PPP6R2: variants seen among roughly 807,000 people sequenced by gnomAD.
The protein encoded by PPP6R2 is serine/threonine-protein phosphatase 6 regulatory subunit 2.
A neutral mutation model predicts 100.2 loss-of-function variants in PPP6R2; 62 were observed. That is an observed-to-expected ratio of 0.62 (90% CI 0.50 to 0.76). The LOEUF is 0.76. Among genes scored for constraint, PPP6R2 ranks in the 30% least tolerant of loss-of-function variants. The pLI is 0.00. For synonymous variants in PPP6R2, 525 were observed against 514.7 expected, an observed-to-expected ratio of 1.02 and a Z score of -0.27; for missense variants, 1,142 against 1,276.3, an observed-to-expected ratio of 0.89 and a Z score of 1.60.
chr22:50,377,704 G>A (rs2051908278), intron 2 of PPP6R2, among the ~76,000 whole-genome samples: 1 of 151,980 alleles, frequency 6.6e-6, no homozygotes, highest in Non-Finnish European at 1.5e-5. Flanking sequence ...TCTCAGAATT[G>A]GTGAAAGAAG....
intron 1 of PPP6R2, among the ~76,000 whole-genome samples, chr22:50,347,434 C>A (rs777576508): frequency 8.5e-5 from 13 of 152,124 alleles, no homozygotes; most frequent in Non-Finnish European, 1.5e-4. Flanking sequence ...TGAGATATCA[C>A]CAGTCATCTA....
intron 2 of PPP6R2, among the ~76,000 whole-genome samples, chr22:50,379,015 G>T (rs1569338349): frequency 6.6e-6 from 1 of 152,182 alleles, no homozygotes. Context: ...TGAGGACACA[G>T]TGGAGGCACC....
intron 6 of PPP6R2, among the ~76,000 whole-genome samples, chr22:50,418,390 T>A (rs1262854340): frequency 6.6e-6 from 1 of 151,760 alleles, no homozygotes; most frequent in Non-Finnish European, 1.5e-5. Flanking sequence ...CCACATCTTT[T>A]TCTTTTTTTT....
Position 50,443,723 on chromosome 22 carries a change from C to T in PPP6R2, c.2580-143C>T. On this transcript the variant is annotated intron_variant, in intron 22 of 23. Coordinates refer to ENST00000612753, the MANE Select transcript of PPP6R2 (RefSeq NM_001242898.2). Reference sequence around the variant, plus strand: ...CCTAGCTGGGCACAACCTGGGCCACCCCACAAAGGGCAGGAGTGAGAGGGG... The same window carrying T: ...CCTAGCTGGGCACAACCTGGGCCACTCCACAAAGGGCAGGAGTGAGAGGGG... 4.1e-6 allele frequency: 5 copies of T among 1,224,458 alleles called. No homozygotes were observed. In the South Asian group the frequency reaches 4.6e-5, roughly 11 times the overall value. The allele number at this position is 1,224,458 out of a possible 1,614,324, so 75.8% of individuals were successfully genotyped here. A position where few individuals can be genotyped will look rare whatever the true frequency, so the allele number is the denominator to read the frequency against.
chr22:50,355,018 T>C (rs1227694776), intron 1 of PPP6R2, among the ~76,000 whole-genome samples: 1 of 151,680 alleles, frequency 6.6e-6, no homozygotes, highest in Non-Finnish European at 1.5e-5. Flanking sequence ...TAATTTTTTA[T>C]TTTTTGTGGA....
intron 22 of PPP6R2, among the ~76,000 whole-genome samples, chr22:50,442,869 AAC>A (rs970460636): frequency 6.7e-6 from 1 of 149,530 alleles, no homozygotes; most frequent in East Asian, 2.1e-4. Flanking sequence ...TGAAATTCTT[AAC>A]AGTCTTTACC....
rs534851616 is a variant in PPP6R2, at chr22:50,397,536, TGCTG to T, written c.227+3403_227+3406del. On this transcript the variant is annotated intron_variant, in intron 3 of 23. Transcript: ENST00000612753. Reference sequence around the variant, plus strand: ...TGCCTCTGAGGAGCATGACTTGGGATGCTGGGGGGCAGGGGGCCTGTCCTCACCA... The same window carrying T: ...TGCCTCTGAGGAGCATGACTTGGGATGGGGGCAGGGGGCCTGTCCTCACCA... Among the ~76,000 whole-genome samples, 201 of 120,568 alleles carry T rather than the reference TGCTG, an allele frequency of 1.7e-3. 3 individuals carry two copies. The highest frequency in any genetic ancestry group is 7.8e-3 in the Middle Eastern group (2 of 256). 79.1% of individuals were successfully genotyped at this position (120,568 alleles called of 152,430 possible).
chr22:50,346,698 C>T (rs1296016199), intron 1 of PPP6R2, among the ~76,000 whole-genome samples: 10 of 148,442 alleles, frequency 6.7e-5, no homozygotes, highest in Admixed American at 2.7e-4. Context: ...AGTGCCTCCG[C>T]ATCTGTCAGT....
intron 1 of PPP6R2, among the ~76,000 whole-genome samples, chr22:50,369,765 C>G (rs912181614): frequency 4.6e-5 from 7 of 152,118 alleles, no homozygotes; most frequent in African/African-American, 1.7e-4. Flanking sequence ...CTCGGCCTCC[C>G]AAAGTGCTGG....
chr22:50,436,316 A>G, intron 13 of PPP6R2, 51 bp from the exon 14 acceptor site: 1 of 1,520,104 alleles, frequency 6.6e-7, no homozygotes, highest in Non-Finnish European at 8.9e-7. Flanking sequence ...GGTGCCCTGC[A>G]CCATCTGCAC....
At chr22:50,388,303 A>C (rs1274425723) in intron 2 of PPP6R2, among the ~76,000 whole-genome samples, 1 of 150,266 alleles carries the variant, frequency 6.7e-6, no homozygotes, top group African/African-American at 2.5e-5. Context: ...CTGAGGAGGG[A>C]GGATCACTTA....
In PPP6R2 at chr22:50,416,131, T is replaced by G. The variant is rs1019734535; in HGVS notation, c.592T>G (p.Leu198Val). 6.2e-7 allele frequency: 1 copy of G among 1,613,538 alleles called. No homozygotes were observed. Among genetic ancestry groups the G allele is most frequent in the Non-Finnish European group, 8.5e-7 (1 of 1,179,736 alleles). The change falls in exon 6 of 24, where the codon TTG becomes GTG. Residue 198 changes from leucine to valine, a missense_variant. Leu to Val is a conservative substitution (Grantham distance 32). Coordinates refer to ENST00000612753, the MANE Select transcript of PPP6R2 (RefSeq NM_001242898.2). ...EEKVIQRLVE[L>V]IHPSQDEDRQ... ...GAAGGTCATCCAGAGGCTTGTGGAG[T>G]TGATCCACCCGAGCCAGGATGAAGA...
chr22:50,343,168 C>G (rs1342843405), upstream of PPP6R2: 1 of 151,844 alleles, frequency 6.6e-6, no homozygotes, highest in African/African-American at 2.4e-5. Context: ...CCCAAGCCCT[C>G]GTGCTCCCAC....
intron 1 of PPP6R2, among the ~76,000 whole-genome samples, chr22:50,355,848 A>C (rs1045901187): frequency 1.3e-4 from 20 of 151,728 alleles, no homozygotes; most frequent in Admixed American, 1.1e-3. Context: ...ATGGAAAAAA[A>C]AAAACCAAAA....
chr22:50,439,086 A>T (rs1277972229), intron 19 of PPP6R2, among the ~76,000 whole-genome samples: 4 of 152,112 alleles, frequency 2.6e-5, no homozygotes, highest in African/African-American at 9.7e-5. Context: ...TCCCCAGCAC[A>T]GCAGCACAGG....
At chr22:50,424,440 CGCGTGTGG>C (rs1569472395) in intron 10 of PPP6R2, among the ~76,000 whole-genome samples, 13 of 99,948 alleles carry the variant, frequency 1.3e-4, no homozygotes, top group African/African-American at 4.0e-4. Context: ...AAGGTCCGTC[CGCGTGTGG>C]AACGTCTGTC....
At chr22:50,368,510 A>T (rs994741947) in intron 1 of PPP6R2, among the ~76,000 whole-genome samples, 1 of 152,216 alleles carries the variant, frequency 6.6e-6, no homozygotes, top group Non-Finnish European at 1.5e-5. Context: ...AGATTATTAT[A>T]ATATTGGAAT....
At chr22:50,381,275 GCACCA>G (rs2148670419) in intron 2 of PPP6R2, among the ~76,000 whole-genome samples, 2 of 103,278 alleles carry the variant, frequency 1.9e-5, no homozygotes, top group African/African-American at 7.8e-5. Flanking sequence ...CCTCACCTCA[GCACCA>G]CACGGGCCCC....
rs1281067023 is a variant in PPP6R2 at position 50,439,960 on chromosome 22, G to A, written c.2286-1G>A. The stretch of plus-strand genomic sequence containing the variant: ...GATCCTGTCCTCGTCCTTGTATGCA[G>A]CTCCGAGTCAGGGCCCAGGTGCAGC... On this transcript the variant is annotated splice_acceptor_variant, in intron 20 of 23. Coordinates refer to ENST00000612753, the MANE Select transcript of PPP6R2 (RefSeq NM_001242898.2). LOFTEE classifies it high-confidence loss of function. 6.2e-7 allele frequency: 1 copy of A among 1,613,470 alleles called. No individual in the cohort carries two copies. The highest frequency in any genetic ancestry group is 8.5e-7 in the Non-Finnish European group (1 of 1,179,822).
Sources: allele counts gnomAD v4.1 joint callset (sites outside exome capture counted in the v4.1 genomes callset), GRCh38; gene constraint gnomAD v4.1.1; transcripts MANE v1.5; gene names NCBI Gene and HGNC (gene_info 2026-07-23, HGNC 2026-07-21).